The following MYO18B variants were observed in gnomAD, a reference collection of about 807,000 sequenced individuals.
MYO18B encodes the protein unconventional myosin-XVIIIb.
In MYO18B, 204 loss-of-function variants were observed where a neutral mutation model predicts 273.0. The ratio of observed to expected loss-of-function variants is 0.75; its 90% CI spans 0.67 to 0.84. MYO18B has a LOEUF of 0.84. Among genes scored for constraint, MYO18B ranks in the 40% least tolerant of loss-of-function variants. MYO18B has a pLI of 0.00. For synonymous variants in MYO18B, 1,330 were observed against 1,305.7 expected, an observed-to-expected ratio of 1.02 and a Z score of -0.40; for missense variants, 3,212 against 3,287.6, an observed-to-expected ratio of 0.98 and a Z score of 0.56.
chr22:25,862,386 A>ATTTT (rs2090763164), intron 21 of MYO18B, among the ~76,000 whole-genome samples: 1 of 152,114 alleles, frequency 6.6e-6, no homozygotes, highest in Non-Finnish European at 1.5e-5. Flanking sequence ...AGATTTTTAC[A>ATTTT]TTTTCCTATG....
chr22:25,822,216 G>GCCT (rs1425707696), intron 12 of MYO18B, among the ~76,000 whole-genome samples: 112 of 152,240 alleles, frequency 7.4e-4, no homozygotes, highest in African/African-American at 2.5e-3. Flanking sequence ...CCTTTGCACT[G>GCCT]CCTCCTTCAA....
Position 25,823,694 on chromosome 22 carries a change from C to T in MYO18B, c.2695+16C>T. The T allele has an allele frequency of 6.2e-7, 1 of 1,613,550 alleles. No homozygotes were observed. Among genetic ancestry groups the T allele is most frequent in the Non-Finnish European group, 8.5e-7 (1 of 1,179,592 alleles). On this transcript the variant is annotated intron_variant, in intron 13 of 43. Transcript: ENST00000335473. ...ACCAGCTCAGGTACATGGCTGCTGC[C>T]TCTTTGGGTGAGCTGGGCCCCCCTC...
At chr22:25,882,950 G>A (rs1428263188) in intron 25 of MYO18B, among the ~76,000 whole-genome samples, 1 of 152,116 alleles carries the variant, frequency 6.6e-6, no homozygotes, top group Non-Finnish European at 1.5e-5. Context: ...AGGCTGGAAT[G>A]CAGTAGAGTA....
chr22:25,762,447 T>C (rs990799743), intron 2 of MYO18B, among the ~76,000 whole-genome samples: 1 of 152,278 alleles, frequency 6.6e-6, no homozygotes, highest in Non-Finnish European at 1.5e-5. Flanking sequence ...CTGTCACTGA[T>C]GCAGGCTAAA....
intron 39 of MYO18B, among the ~76,000 whole-genome samples, chr22:25,963,737 C>T (rs184840968): frequency 3.4e-4 from 52 of 151,688 alleles, no homozygotes; most frequent in African/African-American, 1.0e-3. Context: ...ACTCAATTTC[C>T]TCATCTGTAA....
At chr22:25,852,933 A>G (rs2090465361) in intron 21 of MYO18B, among the ~76,000 whole-genome samples, 1 of 152,226 alleles carries the variant, frequency 6.6e-6, no homozygotes, top group African/African-American at 2.4e-5. Context: ...TAATTTCAGG[A>G]TAAGTGCTAC....
chr22:25,985,367 C>G (rs1487428305), intron 39 of MYO18B, among the ~76,000 whole-genome samples: 7 of 132,580 alleles, frequency 5.3e-5, no homozygotes, highest in Admixed American at 5.1e-4. Context: ...TCTCAAAGAA[C>G]AAAACAAAAC....
intron 36 of MYO18B, among the ~76,000 whole-genome samples, chr22:25,949,966 G>T (rs1259765796): frequency 2.6e-5 from 4 of 152,166 alleles, no homozygotes; most frequent in Non-Finnish European, 2.9e-5. Context: ...TTTTACGAAT[G>T]CAGAGACTCA....
chr22:25,798,623 G>A (rs1158610515), intron 12 of MYO18B, among the ~76,000 whole-genome samples: 1 of 151,922 alleles, frequency 6.6e-6, no homozygotes, highest in Non-Finnish European at 1.5e-5. Context: ...GTAGTGGTGC[G>A]ATCATAGCTC....
At chr22:25,914,557 T>G (rs1456778426) in intron 33 of MYO18B, among the ~76,000 whole-genome samples, 2 of 152,034 alleles carry the variant, frequency 1.3e-5, no homozygotes, top group African/African-American at 2.4e-5. Flanking sequence ...ATACCATTGA[T>G]TATCATGCAT....
chr22:25,871,406 A>G (rs1226994149), intron 22 of MYO18B, among the ~76,000 whole-genome samples: 1 of 152,210 alleles, frequency 6.6e-6, no homozygotes, highest in Non-Finnish European at 1.5e-5. Context: ...TAACATTTTA[A>G]TGTTTAAAGA....
At chr22:26,004,093 A>G (rs1601811281) in intron 41 of MYO18B, among the ~76,000 whole-genome samples, 2 of 151,414 alleles carry the variant, frequency 1.3e-5, no homozygotes, top group East Asian at 1.9e-4. Context: ...ATATATTATA[A>G]TATATATACA....
At chr22:25,949,994 C>A (rs933736826) in intron 36 of MYO18B, among the ~76,000 whole-genome samples, 2 of 152,202 alleles carry the variant, frequency 1.3e-5, no homozygotes, top group Non-Finnish European at 2.9e-5. Flanking sequence ...AGAGGCTCCA[C>A]AGCTTGCTAA....
At chr22:25,886,685 G>A (rs2091511079) in intron 25 of MYO18B, among the ~76,000 whole-genome samples, 1 of 152,178 alleles carries the variant, frequency 6.6e-6, no homozygotes. Context: ...GTGGATAATT[G>A]CTTTACTAAC....
chr22:25,745,197 C>T (rs887427191), intron 1 of MYO18B, among the ~76,000 whole-genome samples: 3 of 152,082 alleles, frequency 2.0e-5, no homozygotes, highest in Non-Finnish European at 4.4e-5. Context: ...GCAACCTCTG[C>T]CTCCGAGGTT....
intron 21 of MYO18B, among the ~76,000 whole-genome samples, chr22:25,863,537 A>G (rs944893166): frequency 2.2e-5 from 3 of 138,428 alleles, no homozygotes; most frequent in Admixed American, 7.0e-5. Context: ...GACCACTGAT[A>G]TCTCTGCCCA....
intron 40 of MYO18B, among the ~76,000 whole-genome samples, chr22:26,000,626 G>A (rs923808929): frequency 8.0e-5 from 12 of 149,432 alleles, no homozygotes; most frequent in Admixed American, 2.0e-4. Context: ...GCTTCATTGC[G>A]GATCATCTCA....
At position 25,785,466 on chromosome 22, in the gene MYO18B, C is replaced by T. The variant is rs774041076; in HGVS notation, c.2351C>T (p.Ser784Phe). The change falls in exon 11 of 44, where the codon TCC (serine) becomes TTC (phenylalanine). Residue 784 changes from serine (S) to phenylalanine (F), a missense_variant. Physicochemically the swap from Ser to Phe is radical, Grantham distance 155 (BLOSUM62 -2). Coordinates refer to ENST00000335473, the MANE Select transcript of MYO18B (RefSeq NM_032608.7). ...CTGCACCAGATGGCAGATAGCAGCT[C>T]CTTTGGCATGGGCGTGTGGTCCAAG... ...LNLHQMADSS[S>F]FGMGVWSKPE... The T allele has an allele frequency of 1.2e-6, 2 of 1,612,182 alleles. No homozygotes were observed. Among genetic ancestry groups the T allele is most frequent in the Non-Finnish European group, 1.7e-6 (2 of 1,179,302 alleles).
rs2093058368 is a variant in MYO18B, at chr22:25,973,599, AT to A, written c.6156+18237del. On this transcript the variant is annotated intron_variant, in intron 39 of 43. Transcript: ENST00000335473. ...AGCCTCACAGGGATATTTACATTTA[AT>A]TGAAGTGGAATAAAATTTAAAATTC... 3.3e-5 allele frequency among the ~76,000 whole-genome samples: 5 copies of A among 152,368 alleles called. No individual in the cohort carries two copies. The South Asian group carries it at 1.0e-3, about 32-fold the overall frequency.
Sources: gnomAD v4.1 joint callset for allele counts (sites outside exome capture counted in the v4.1 genomes callset) on GRCh38, gnomAD v4.1.1 for gene constraint, MANE v1.5 for transcripts, NCBI Gene and HGNC (gene_info 2026-07-23, HGNC 2026-07-21) for gene names.